SEPTIN7: variants seen among roughly 807,000 people sequenced by gnomAD.
The protein encoded by SEPTIN7 is septin 7, also known as septin-7.
SEPTIN7 carries 10 observed loss-of-function variants against 63.3 expected under a neutral mutation model. That is an observed-to-expected ratio of 0.16 (90% CI 0.10 to 0.27). The LOEUF is 0.27. Ranked by LOEUF, SEPTIN7 falls within the 10% of genes least tolerant of loss-of-function variation. The pLI, the probability that SEPTIN7 is intolerant of heterozygous loss-of-function variation, is 1.00. For missense variants in SEPTIN7, 310 were observed against 521.0 expected, an observed-to-expected ratio of 0.59 and a Z score of 3.94; for synonymous variants, 131 against 165.3, an observed-to-expected ratio of 0.79 and a Z score of 1.59.
chr7:35,870,823 TA>T (rs34827594), intron 4 of SEPTIN7, among the ~76,000 whole-genome samples: 297 of 114,642 alleles, frequency 2.6e-3, no homozygotes, highest in East Asian at 6.9e-3. Context: ...AGACCCTGAC[TA>T]AAAAAAAAAA....
chr7:35,888,649 G>A (rs28676716), intron 10 of SEPTIN7, among the ~76,000 whole-genome samples: 5,871 of 151,780 alleles, frequency 0.039, 300 homozygotes, highest in African/African-American at 0.11. Flanking sequence ...GTGAAACCTC[G>A]TCCCTACTAA....
chr7:35,802,286 C>A, intron 1 of SEPTIN7: 1 of 358,960 alleles, frequency 2.8e-6, no homozygotes, highest in Non-Finnish European at 5.7e-6. Context: ...AAGAAATAAG[C>A]AACCGAGATT....
downstream of SEPTIN7, among the ~76,000 whole-genome samples, chr7:35,907,612 C>G (rs548580546): frequency 6.6e-6 from 1 of 152,222 alleles, no homozygotes; most frequent in African/African-American, 2.4e-5. Flanking sequence ...ACACCAGGGC[C>G]TGTGCTTAAA....
chr7:35,821,457 G>T (rs577299381), intron 1 of SEPTIN7, among the ~76,000 whole-genome samples: 2 of 152,064 alleles, frequency 1.3e-5, no homozygotes, highest in Non-Finnish European at 2.9e-5. Flanking sequence ...TGGCTGCCTG[G>T]TATTTTAATA....
At chr7:35,813,179 G>T (rs142027643) in intron 1 of SEPTIN7, among the ~76,000 whole-genome samples, 1 of 152,198 alleles carries the variant, frequency 6.6e-6, no homozygotes, top group African/African-American at 2.4e-5. Context: ...GCTCAGAAAG[G>T]TTATGTAACT....
rs187970108 is a variant in SEPTIN7, at chr7:35,904,636, C to T, written c.*343C>T. ...CAGGATATTCCAAAATAAAAGGACT[C>T]TGGAAGATTTTCATTGAGGATAAAT... On this transcript the variant is annotated 3_prime_UTR_variant, in exon 14 of 14. Transcript: ENST00000350320. 3.1e-4 allele frequency: 55 copies of T among 176,056 alleles called. 1 individual carries two copies. In the East Asian group the frequency reaches 7.6e-3, roughly 24 times the overall value. The allele number at this position is 176,056 out of a possible 1,614,324, so 10.9% of individuals were successfully genotyped here. A position where few individuals can be genotyped will look rare whatever the true frequency, so the allele number is the denominator to read the frequency against.
chr7:35,838,268 C>A lies in SEPTIN7; in HGVS notation c.169+5368C>A, dbSNP rs1453480684. On this transcript the variant is annotated intron_variant, in intron 3 of 13. Coordinates refer to ENST00000350320, the MANE Select transcript of SEPTIN7 (RefSeq NM_001788.6). ...TCCTTCCTTCCTTCCTTCCTTCCTT[C>A]CTTCCTTCCTTCCTTCCTTCCTTCC... Among the ~76,000 whole-genome samples, 79 of 11,802 alleles carry A rather than the reference C, an allele frequency of 6.7e-3. 2 individuals are homozygous for A. The highest frequency in any genetic ancestry group is 0.01 in the African/African-American group (22 of 2,170). The allele number at this position is 11,802 out of a possible 152,430, so 7.7% of individuals were successfully genotyped here.
At chr7:35,822,106 G>A (rs1789454987) in intron 1 of SEPTIN7, among the ~76,000 whole-genome samples, 1 of 151,810 alleles carries the variant, frequency 6.6e-6, no homozygotes, top group South Asian at 2.1e-4. Flanking sequence ...TGGAGACAGA[G>A]TCTCGCTCTG....
chr7:35,879,680 C>T, intron 6 of SEPTIN7, 143 bp from the exon 7 acceptor site: 1 of 602,554 alleles, frequency 1.7e-6, no homozygotes, highest in Non-Finnish European at 3.1e-6. Context: ...TTCTACCTAA[C>T]TTTTGCTGGC....
intron 4 of SEPTIN7, 101 bp from the exon 5 acceptor site, chr7:35,872,565 C>T: frequency 1.3e-6 from 1 of 779,930 alleles, no homozygotes; most frequent in Non-Finnish European, 2.2e-6. Context: ...TAACAGTTTC[C>T]CAGTTGGTTT....
At chr7:35,860,747 G>C (rs375893933) in intron 3 of SEPTIN7, among the ~76,000 whole-genome samples, 1 of 152,210 alleles carries the variant, frequency 6.6e-6, no homozygotes, top group Admixed American at 6.5e-5. Flanking sequence ...TATGCAGTGA[G>C]TTGCTTCTCT....
intron 3 of SEPTIN7, among the ~76,000 whole-genome samples, chr7:35,843,937 T>G (rs917976796): frequency 9.8e-5 from 15 of 152,330 alleles, no homozygotes; most frequent in African/African-American, 3.4e-4. Flanking sequence ...GAGTTCATTC[T>G]TAACTCAAGT....
At chr7:35,874,050 A>G in intron 6 of SEPTIN7, 1 of 297,814 alleles carries the variant, frequency 3.4e-6, no homozygotes, top group South Asian at 7.2e-5. Flanking sequence ...TCAATGTGGC[A>G]AATTTAGCTT....
chr7:35,911,158 C>A (rs1788733912), downstream of SEPTIN7, among the ~76,000 whole-genome samples: 1 of 152,130 alleles, frequency 6.6e-6, no homozygotes, highest in Non-Finnish European at 1.5e-5. Context: ...CAGAAGAAAA[C>A]CTGAAGAAAG....
At chr7:35,837,831 A>G (rs138069075) in intron 3 of SEPTIN7, among the ~76,000 whole-genome samples, 1,869 of 152,240 alleles carry the variant, frequency 0.012, 63 homozygotes, top group Admixed American at 0.063. Flanking sequence ...TCCCAGGTTC[A>G]GGCAGTTCTC....
At chr7:35,806,290 T>C (rs1192303717) in intron 1 of SEPTIN7, among the ~76,000 whole-genome samples, 2 of 152,326 alleles carry the variant, frequency 1.3e-5, no homozygotes, top group East Asian at 1.9e-4. Flanking sequence ...ATTACCTAGA[T>C]TTTTTTGTAT....
chr7:35,811,866 A>G (rs1788732677), intron 1 of SEPTIN7, among the ~76,000 whole-genome samples: 1 of 152,216 alleles, frequency 6.6e-6, no homozygotes, highest in Non-Finnish European at 1.5e-5. Flanking sequence ...TACTAAAAAT[A>G]CAAAAATTAG....
intron 10 of SEPTIN7, chr7:35,888,863 A>G (rs764098165): frequency 2.7e-6 from 1 of 372,524 alleles, no homozygotes; most frequent in South Asian, 2.1e-5. Context: ...GAAAAATTAA[A>G]TAAACATTGT....
chr7:35,883,771 A>T, intron 8 of SEPTIN7, 120 bp from the exon 9 acceptor site: 1 of 541,182 alleles, frequency 1.8e-6, no homozygotes, highest in South Asian at 3.2e-5. Flanking sequence ...CTAATGCAGA[A>T]ACTATCGAAA....
Sources: gnomAD v4.1 joint callset for allele counts (sites outside exome capture counted in the v4.1 genomes callset) on GRCh38, gnomAD v4.1.1 for gene constraint, MANE v1.5 for transcripts, NCBI Gene and HGNC (gene_info 2026-07-23, HGNC 2026-07-21) for gene names.